CCSER1: variants seen among roughly 807,000 people sequenced by gnomAD.
The protein encoded by CCSER1 is coiled-coil serine rich protein 1, also known as serine-rich coiled-coil domain-containing protein 1.
Under a neutral mutation model 82.0 loss-of-function variants are expected in CCSER1, and 41 were observed. That is an observed-to-expected ratio of 0.50 (90% CI 0.39 to 0.65). The LOEUF (loss-of-function observed/expected upper bound fraction) is 0.65. CCSER1 is among the 30% of genes least tolerant of loss of function. The pLI is 0.00. For missense variants in CCSER1, 1,119 were observed against 1,064.2 expected (o/e 1.05, Z -0.72); for synonymous variants, 414 against 383.9 (o/e 1.08, Z -0.92).
intron 4 of CCSER1, among the ~76,000 whole-genome samples, chr4:90,424,528 A>T (rs541724035): frequency 6.6e-6 from 1 of 152,328 alleles, no homozygotes; most frequent in South Asian, 2.1e-4. Flanking sequence ...AGATGCATTT[A>T]TATATGTAGA....
At chr4:90,533,226 G>A (rs1774841775) in intron 5 of CCSER1, among the ~76,000 whole-genome samples, 1 of 151,628 alleles carries the variant, frequency 6.6e-6, no homozygotes, top group Admixed American at 6.6e-5. Flanking sequence ...CTAGTAGCTG[G>A]GACTACAGGC....
At chr4:91,117,536 A>T (rs1362086683) in intron 10 of CCSER1, among the ~76,000 whole-genome samples, 1 of 152,246 alleles carries the variant, frequency 6.6e-6, no homozygotes, top group African/African-American at 2.4e-5. Context: ...TATGTACTTC[A>T]ATTCAATGAA....
At chr4:90,925,768 G>A (rs571366082) in intron 9 of CCSER1, among the ~76,000 whole-genome samples, 7 of 152,254 alleles carry the variant, frequency 4.6e-5, no homozygotes, top group East Asian at 1.9e-4. Context: ...TGTTTCGTAT[G>A]TTACAGTGAT....
rs199735666 is a variant in CCSER1 at position 91,059,428 on chromosome 4, AG to A, written c.2173-26521del. ...GGTTTGTTTTTGTTGTATTAATAAA[AG>A]ATTTTATTTGTATGCTTTATTAAGG... On this transcript the variant is annotated intron_variant, in intron 9 of 10. Coordinates refer to ENST00000509176, the MANE Select transcript of CCSER1 (RefSeq NM_001145065.2). Among the ~76,000 whole-genome samples the A allele has an allele frequency of 6.7e-4, 94 of 140,042 alleles. 1 individual carries two copies. In the East Asian group the frequency reaches 0.017, roughly 26 times the overall value. The allele number at this position is 140,042 out of a possible 152,430, so 91.9% of individuals were successfully genotyped here. A position where few individuals can be genotyped will look rare whatever the true frequency, so the allele number is the denominator to read the frequency against.
chr4:90,527,711 A>G (rs1211693555), intron 5 of CCSER1, among the ~76,000 whole-genome samples: 1 of 152,156 alleles, frequency 6.6e-6, no homozygotes. Flanking sequence ...AATTGCTAAC[A>G]TAAAAGACTG....
intron 5 of CCSER1, among the ~76,000 whole-genome samples, chr4:90,595,281 A>G (rs977683733): frequency 1.3e-5 from 2 of 152,126 alleles, no homozygotes; most frequent in Admixed American, 1.3e-4. Context: ...CTGTTGCCTC[A>G]AACAGTTATT....
chr4:90,723,354 A>C (rs1450936251), intron 6 of CCSER1, among the ~76,000 whole-genome samples: 2 of 151,926 alleles, frequency 1.3e-5, no homozygotes, highest in African/African-American at 4.8e-5. Context: ...TTTATCCTTA[A>C]ATTTTTGTTT....
chr4:91,497,352 TA>T (rs1035057178), intron 10 of CCSER1, among the ~76,000 whole-genome samples: 8 of 151,584 alleles, frequency 5.3e-5, no homozygotes, highest in South Asian at 2.1e-4. Flanking sequence ...TTTACATTTC[TA>T]AAAAAAATAC....
At chr4:90,295,968 A>C (rs1032013787) in intron 1 of CCSER1, among the ~76,000 whole-genome samples, 1 of 152,070 alleles carries the variant, frequency 6.6e-6, no homozygotes, top group South Asian at 2.1e-4. Context: ...TCAGTGTTTT[A>C]AAATCAAGCC....
chr4:91,092,011 G>T (rs1226235147), intron 10 of CCSER1, among the ~76,000 whole-genome samples: 2 of 152,154 alleles, frequency 1.3e-5, no homozygotes, highest in African/African-American at 4.8e-5. Flanking sequence ...GGAGGCCTAT[G>T]ATATAATGTT....
At chr4:90,513,443 C>T (rs565909366) in intron 5 of CCSER1, among the ~76,000 whole-genome samples, 1 of 152,230 alleles carries the variant, frequency 6.6e-6, no homozygotes, top group South Asian at 2.1e-4. Context: ...ACTGGAATGT[C>T]TGAAATTGCA....
intron 10 of CCSER1, among the ~76,000 whole-genome samples, chr4:91,503,352 A>G (rs1444680710): frequency 1.3e-5 from 2 of 152,000 alleles, no homozygotes; most frequent in South Asian, 2.1e-4. Flanking sequence ...AAAAAAAAAA[A>G]AAAGAAAAAA....
chr4:91,566,175 G>A (rs1320447739), intron 10 of CCSER1, among the ~76,000 whole-genome samples: 1 of 151,938 alleles, frequency 6.6e-6, no homozygotes, highest in Non-Finnish European at 1.5e-5. Context: ...TAGTTCTGTT[G>A]ATGTGATGAA....
chr4:90,499,703 G>T (rs937953585), intron 5 of CCSER1, among the ~76,000 whole-genome samples: 1 of 152,076 alleles, frequency 6.6e-6, no homozygotes, highest in Admixed American at 6.6e-5. Flanking sequence ...AGGAGCAGAA[G>T]AATTTTTGTC....
At chr4:91,310,007 C>T (rs1253505301) in intron 10 of CCSER1, among the ~76,000 whole-genome samples, 2 of 151,924 alleles carry the variant, frequency 1.3e-5, no homozygotes, top group East Asian at 3.9e-4. Flanking sequence ...CTCTTAACAT[C>T]TCATAGTTAC....
At chr4:90,309,772 T>G (rs1309042880) in intron 2 of CCSER1, among the ~76,000 whole-genome samples, 164 bp downstream of exon 2, 1 of 152,188 alleles carries the variant, frequency 6.6e-6, no homozygotes, top group Non-Finnish European at 1.5e-5. Context: ...CCCTGCTTGA[T>G]TTTAAACTTA....
At position 90,532,571 on chromosome 4, in the gene CCSER1, A is replaced by G. The variant is rs111357909; in HGVS notation, c.1724+64217A>G. Among the ~76,000 whole-genome samples the G allele has an allele frequency of 9.8e-3, 1,493 of 152,212 alleles. 25 individuals are homozygous for G. Among genetic ancestry groups the G allele is most frequent in the African/African-American group, 0.034 (1,416 of 41,534 alleles). On this transcript the variant is annotated intron_variant, in intron 5 of 10. Transcript: ENST00000509176. ...TAGTAATTATCTCAGGCTTTGCATA[A>G]CATATGGTGCCTGGTGCACGTTTGC...
In CCSER1 at chr4:91,564,359, G is replaced by A. The variant is rs1027190928; in HGVS notation, c.2218-34213G>A. 1.2e-4 allele frequency among the ~76,000 whole-genome samples: 18 copies of A among 151,866 alleles called. 1 individual carries two copies. The highest frequency in any genetic ancestry group is 3.6e-4 in the African/African-American group (15 of 41,334). On this transcript the variant is annotated intron_variant, in intron 10 of 10. Coordinates refer to ENST00000509176, the MANE Select transcript of CCSER1 (RefSeq NM_001145065.2). ...GAATAGTGCCACAATGAACATACCC[G>A]TACATGTGTCATCATAGTAGAATGA...
chr4:90,878,511 T>C (rs1720711752), intron 8 of CCSER1, among the ~76,000 whole-genome samples: 1 of 152,160 alleles, frequency 6.6e-6, no homozygotes, highest in Non-Finnish European at 1.5e-5. Flanking sequence ...TGAGAAATGC[T>C]AAATGAATAA....
Sources: allele counts gnomAD v4.1 joint callset (sites outside exome capture counted in the v4.1 genomes callset), GRCh38; gene constraint gnomAD v4.1.1; transcripts MANE v1.5; gene names NCBI Gene and HGNC (gene_info 2026-07-23, HGNC 2026-07-21).